The following RUNX2 variants were observed in gnomAD, a reference collection of about 807,000 sequenced individuals.
The protein encoded by RUNX2 is runt-related transcription factor 2.
RUNX2 carries 10 observed loss-of-function variants against 51.7 expected under a neutral mutation model. That is an observed-to-expected ratio of 0.19 (90% CI 0.12 to 0.33). The LOEUF (loss-of-function observed/expected upper bound fraction) is 0.33, where lower values mean the gene tolerates loss of function less well. RUNX2 is among the 10% of genes least tolerant of loss of function. The pLI is 1.00. For missense variants in RUNX2, 562 were observed against 691.3 expected (o/e 0.81, Z 2.10); for synonymous variants, 276 against 273.6 (o/e 1.01, Z -0.09).
At chr6:45,493,781 TAC>T (rs1429286977) in intron 6 of RUNX2, among the ~76,000 whole-genome samples, 1 of 151,936 alleles carries the variant, frequency 6.6e-6, no homozygotes. Flanking sequence ...TGTATATATA[TAC>T]ACACATATAT....
chr6:45,524,801 A>C (rs919195822), intron 7 of RUNX2, among the ~76,000 whole-genome samples: 2 of 152,200 alleles, frequency 1.3e-5, no homozygotes, highest in African/African-American at 2.4e-5. Context: ...AAAACAGTAC[A>C]TTCTCAGTGT....
At chr6:45,412,312 C>T (rs1797968181) in intron 2 of RUNX2, among the ~76,000 whole-genome samples, 1 of 151,852 alleles carries the variant, frequency 6.6e-6, no homozygotes, top group Non-Finnish European at 1.5e-5. Flanking sequence ...GCTATGATCA[C>T]ACCGGTACAC....
chr6:45,367,403 T>C (rs1302484984), intron 2 of RUNX2, among the ~76,000 whole-genome samples: 1 of 151,992 alleles, frequency 6.6e-6, no homozygotes. Context: ...TTGGAATAAG[T>C]ACTTTTCTCT....
intron 2 of RUNX2, among the ~76,000 whole-genome samples, chr6:45,391,994 T>A (rs891870991): frequency 3.3e-5 from 5 of 152,226 alleles, no homozygotes; most frequent in African/African-American, 4.8e-5. Flanking sequence ...TTCACCAGTT[T>A]CCAGTCCTCA....
At chr6:45,483,523 A>G (rs551629325) in intron 5 of RUNX2, among the ~76,000 whole-genome samples, 165 of 152,330 alleles carry the variant, frequency 1.1e-3, no homozygotes, top group African/African-American at 3.8e-3. Flanking sequence ...AGGGGCTCTC[A>G]GTCAAGTCTA....
At chr6:45,328,820 G>C in intron 2 of RUNX2, 36 bp downstream of exon 2, 1 of 1,596,084 alleles carries the variant, frequency 6.3e-7, no homozygotes. Flanking sequence ...TGTAAGATAT[G>C]AACCTGTTAA....
At chr6:45,525,699 GAAAACT>G (rs1430697320) in intron 7 of RUNX2, among the ~76,000 whole-genome samples, 1 of 152,120 alleles carries the variant, frequency 6.6e-6, no homozygotes, top group African/African-American at 2.4e-5. Flanking sequence ...CATCACATCA[GAAAACT>G]AAATTCCGGC....
In RUNX2 at chr6:45,422,639, G is replaced by T. The variant is rs1442575261; in HGVS notation, c.105G>T (p.Gln35His). ...TCAGCCCCCCCTCCAGCAGCCTGCA[G>T]CCCGGCAAAATGAGCGACGTGAGCC... is the stretch of plus-strand genomic sequence containing the variant. ...RRFSPPSSSL[Q>H]PGKMSDVSPV... Residue 35 changes from glutamine (Q) to histidine (H), a missense_variant, in exon 3 of 9, where the codon CAG (glutamine) becomes CAT (histidine). By Grantham distance (24) the Gln-to-His change is conservative (BLOSUM62 0). This residue lies in a region of RUNX2 where 153 missense variants were observed against 144.8 expected (regional missense o/e 1.06). Coordinates refer to ENST00000647337, the MANE Select transcript of RUNX2 (RefSeq NM_001024630.4). The T allele has an allele frequency of 1.2e-6, 2 of 1,606,568 alleles. No individual in the cohort carries two copies.
chr6:45,468,300 T>C (rs1799697206), intron 5 of RUNX2, among the ~76,000 whole-genome samples: 1 of 152,208 alleles, frequency 6.6e-6, no homozygotes, highest in Non-Finnish European at 1.5e-5. Flanking sequence ...GCCATTACCA[T>C]AGTATAAAAG....
chr6:45,374,351 TTTAAA>T (rs1205399521), intron 2 of RUNX2, among the ~76,000 whole-genome samples: 7 of 152,200 alleles, frequency 4.6e-5, no homozygotes, highest in Non-Finnish European at 7.3e-5. Flanking sequence ...ACATGAGTTA[TTTAAA>T]TTAACCTCTT....
rs143054523 is a variant in RUNX2 at position 45,516,235 on chromosome 6, T to C, written c.1021+3828T>C. On this transcript the variant is annotated intron_variant, in intron 7 of 8. Transcript: ENST00000647337. ...TTTACTGCAGAGAAAGATATAATAC[T>C]AGACGTCTTCAAGTTCAGAGGTACA... Among the ~76,000 whole-genome samples the C allele has an allele frequency of 5.8e-3, 876 of 152,322 alleles. 9 individuals carry two copies. The highest frequency in any genetic ancestry group is 0.02 in the African/African-American group (826 of 41,576).
chr6:45,489,347 GC>G (rs1224973911), intron 5 of RUNX2, among the ~76,000 whole-genome samples: 35 of 151,908 alleles, frequency 2.3e-4, no homozygotes, highest in Admixed American at 6.6e-4. Context: ...CTTTATTTTT[GC>G]CTGCAAACTC....
chr6:45,361,894 T>A (rs1406431100), intron 2 of RUNX2, among the ~76,000 whole-genome samples: 2 of 151,942 alleles, frequency 1.3e-5, no homozygotes, highest in Non-Finnish European at 2.9e-5. Flanking sequence ...CTACTAAAAA[T>A]ACAAAAATCA....
chr6:45,455,690 T>C (rs1422634154), intron 5 of RUNX2, among the ~76,000 whole-genome samples: 1 of 152,166 alleles, frequency 6.6e-6, no homozygotes, highest in African/African-American at 2.4e-5. Context: ...GGGTGGAAGG[T>C]GAAGGAGCAA....
intron 5 of RUNX2, among the ~76,000 whole-genome samples, chr6:45,439,118 T>C (rs891370401): frequency 1.3e-5 from 2 of 152,154 alleles, no homozygotes; most frequent in African/African-American, 4.8e-5. Flanking sequence ...AGTGGGAGCA[T>C]ATGGTGGGTC....
At chr6:45,490,190 T>C (rs1800419830) in intron 5 of RUNX2, among the ~76,000 whole-genome samples, 1 of 152,122 alleles carries the variant, frequency 6.6e-6, no homozygotes, top group South Asian at 2.1e-4. Context: ...GGTCTAGGAG[T>C]TGTTTTGGGT....
At chr6:45,479,226 T>C (rs1317395456) in intron 5 of RUNX2, among the ~76,000 whole-genome samples, 1 of 152,230 alleles carries the variant, frequency 6.6e-6, no homozygotes, top group Non-Finnish European at 1.5e-5. Flanking sequence ...ATAATATTCT[T>C]TCAGGGATTA....
intron 2 of RUNX2, among the ~76,000 whole-genome samples, chr6:45,399,962 TAGAAAGGA>T (rs1797670743): frequency 7.7e-6 from 1 of 130,684 alleles, no homozygotes; most frequent in African/African-American, 3.0e-5. Flanking sequence ...TCATTTTCTT[TAGAAAGGA>T]AGGAAGGAAG....
chr6:45,453,362 G>T (rs1282054200), intron 5 of RUNX2, among the ~76,000 whole-genome samples: 2 of 152,150 alleles, frequency 1.3e-5, no homozygotes, highest in Non-Finnish European at 2.9e-5. Flanking sequence ...ACCTATGTGG[G>T]GACAGTGGAG....
Sources: allele counts gnomAD v4.1 joint callset (sites outside exome capture counted in the v4.1 genomes callset), GRCh38; gene constraint gnomAD v4.1.1; regional missense constraint gnomAD v4.1.1; transcripts MANE v1.5; gene names NCBI Gene and HGNC (gene_info 2026-07-23, HGNC 2026-07-21).